The following PTPRN2 variants were observed in gnomAD, a reference collection of about 807,000 sequenced individuals.
PTPRN2 encodes receptor-type tyrosine-protein phosphatase N2.
In PTPRN2, 74 loss-of-function variants were observed where a neutral mutation model predicts 118.8. The observed-to-expected ratio is 0.62, with a 90% CI of 0.52 to 0.76. The LOEUF (loss-of-function observed/expected upper bound fraction) is 0.76. PTPRN2 is among the 30% of genes least tolerant of loss of function. PTPRN2 has a pLI of 0.00. For missense variants in PTPRN2, 1,481 were observed against 1,394.4 expected (o/e 1.06, Z -0.99); for synonymous variants, 641 against 608.0 (o/e 1.05, Z -0.80).
intron 3 of PTPRN2, among the ~76,000 whole-genome samples, chr7:158,238,327 C>T (rs1291937936): frequency 6.6e-6 from 1 of 151,972 alleles, no homozygotes; most frequent in Non-Finnish European, 1.5e-5. Flanking sequence ...CTGCCCTGGG[C>T]CAAGCAGGTC....
intron 11 of PTPRN2, among the ~76,000 whole-genome samples, chr7:157,926,570 A>C (rs2128774779): frequency 6.6e-6 from 1 of 152,338 alleles, no homozygotes; most frequent in Admixed American, 6.5e-5. Flanking sequence ...GGAGGCAGGG[A>C]GGGCCTTGCC....
intron 10 of PTPRN2, among the ~76,000 whole-genome samples, chr7:158,094,723 A>G (rs112627486): frequency 0.01 from 1,546 of 152,286 alleles, 28 homozygotes; most frequent in African/African-American, 0.036. Flanking sequence ...CATTCACCCA[A>G]GAATTAGGAC....
At chr7:158,150,638 C>G (rs1156875839) in intron 6 of PTPRN2, among the ~76,000 whole-genome samples, 1 of 152,070 alleles carries the variant, frequency 6.6e-6, no homozygotes, top group African/African-American at 2.4e-5. Flanking sequence ...TCCTGCCCCT[C>G]TAATTCCACC....
At chr7:157,628,275 C>T (rs1303868718) in intron 14 of PTPRN2, among the ~76,000 whole-genome samples, 1 of 152,234 alleles carries the variant, frequency 6.6e-6, no homozygotes, top group African/African-American at 2.4e-5. Flanking sequence ...CAAATGTCGT[C>T]AGCACCGTCT....
At chr7:158,150,150 C>CCCTGCAGGCTCCTGTTG (rs1820820028) in intron 6 of PTPRN2, among the ~76,000 whole-genome samples, 1 of 152,222 alleles carries the variant, frequency 6.6e-6, no homozygotes, top group Non-Finnish European at 1.5e-5. Flanking sequence ...CAATGCTGTT[C>CCCTGCAGGCTCCTGTTG]CCTGCAGGCT....
rs1055985553 is a variant in PTPRN2, at chr7:158,546,046, G to A, written c.112+41512C>T. On this transcript the variant is annotated intron_variant, in intron 1 of 22. Transcript: ENST00000389418. The surrounding 1 kb of genome is among the most constrained non-coding windows in gnomAD (Gnocchi z 5.0). ...TTACAGGACTTTCAAAATTCCAGGA[G>A]GTAATTTACCTCCAGCAAGGGCTGG... Among the ~76,000 whole-genome samples the A allele has an allele frequency of 2.0e-5, 3 of 152,182 alleles. No homozygotes were observed. The highest frequency in any genetic ancestry group is 4.4e-5 in the Non-Finnish European group (3 of 68,028).
chr7:158,489,838 C>G (rs1821314590), intron 1 of PTPRN2, 53 bp from the exon 2 acceptor site: 3 of 1,504,844 alleles, frequency 2.0e-6, no homozygotes, highest in Admixed American at 2.0e-5. Context: ...GAGGGGGGTG[C>G]CCCCGAGGCT....
At chr7:157,607,247 G>A (rs1802056460) in intron 15 of PTPRN2, among the ~76,000 whole-genome samples, 1 of 152,210 alleles carries the variant, frequency 6.6e-6, no homozygotes, top group Admixed American at 6.5e-5. Context: ...ATTGATTCCA[G>A]AAACCCAGTT....
At chr7:158,454,613 C>T (rs1357193573) in intron 2 of PTPRN2, among the ~76,000 whole-genome samples, 1 of 151,998 alleles carries the variant, frequency 6.6e-6, no homozygotes, top group Admixed American at 6.5e-5. Flanking sequence ...AGACACAACG[C>T]ACACAATCAC....
At chr7:158,325,060 T>A (rs4909178) in intron 2 of PTPRN2, among the ~76,000 whole-genome samples, 57,208 of 151,320 alleles carry the variant, frequency 0.38, 10,893 homozygotes, top group Middle Eastern at 0.45. Context: ...CCCACAATTA[T>A]CCACAGAGAT....
chr7:158,138,640 C>T (rs939806469), intron 6 of PTPRN2, 125 bp from the exon 7 acceptor site: 28 of 782,920 alleles, frequency 3.6e-5, no homozygotes, highest in South Asian at 2.4e-4. Context: ...TAGGGCCAGG[C>T]GCAGGCCAGT....
intron 11 of PTPRN2, among the ~76,000 whole-genome samples, chr7:158,066,758 G>A (rs977662191): frequency 6.6e-6 from 1 of 151,776 alleles, no homozygotes; most frequent in Admixed American, 6.6e-5. Flanking sequence ...CCAAGCAGAC[G>A]GCAAGGCTGG....
intron 14 of PTPRN2, among the ~76,000 whole-genome samples, chr7:157,646,530 T>C (rs1805084688): frequency 6.6e-6 from 1 of 152,162 alleles, no homozygotes; most frequent in Non-Finnish European, 1.5e-5. Context: ...CTCAGGTATT[T>C]CTGTATAGCA....
intron 17 of PTPRN2, among the ~76,000 whole-genome samples, chr7:157,589,489 C>T (rs371943307): frequency 2.6e-5 from 4 of 152,272 alleles, no homozygotes; most frequent in East Asian, 1.9e-4. Context: ...CTGACAGGTA[C>T]CCAAAGCCGC....
At chr7:158,394,238 C>G (rs1340665745) in intron 2 of PTPRN2, among the ~76,000 whole-genome samples, 1 of 151,930 alleles carries the variant, frequency 6.6e-6, no homozygotes, top group African/African-American at 2.4e-5. Flanking sequence ...CCTCTCTGTT[C>G]CCTGTGGACC....
chr7:157,725,466 G>GC (rs558029742), intron 12 of PTPRN2, among the ~76,000 whole-genome samples: 1 of 90,866 alleles, frequency 1.1e-5, no homozygotes, highest in Non-Finnish European at 2.2e-5. Context: ...GCAGAGGAGT[G>GC]AGCCAGACCC....
At position 157,632,286 on chromosome 7, in the gene PTPRN2, A is replaced by C. The variant is rs1804010456; in HGVS notation, c.2197-10777T>G. On this transcript the variant is annotated intron_variant, in intron 14 of 22. Coordinates refer to ENST00000389418, the MANE Select transcript of PTPRN2 (RefSeq NM_002847.5). The surrounding 1 kb of genome is among the most constrained non-coding windows in gnomAD (Gnocchi z 4.3). Reference sequence around the variant, plus strand: ...GCATGAAGACCTGCGATGCGTGGAAAGGTGGCCTGGTGCACCAACGCCTGG... The same window carrying C: ...GCATGAAGACCTGCGATGCGTGGAACGGTGGCCTGGTGCACCAACGCCTGG... 3.3e-5 allele frequency among the ~76,000 whole-genome samples: 5 copies of C among 152,306 alleles called. No homozygotes were observed. In the South Asian group the frequency reaches 1.0e-3, roughly 32 times the overall value.
intron 13 of PTPRN2, among the ~76,000 whole-genome samples, chr7:157,656,802 A>G (rs1806129087): frequency 6.6e-6 from 1 of 152,010 alleles, no homozygotes; most frequent in African/African-American, 2.4e-5. Context: ...TCAGAATCTG[A>G]GAATACAAAC....
intron 11 of PTPRN2, among the ~76,000 whole-genome samples, chr7:157,968,497 T>C (rs1006698840): frequency 5.9e-5 from 9 of 152,320 alleles, no homozygotes; most frequent in South Asian, 2.1e-4. Context: ...GTCTCGGGGT[T>C]GTGTGAATGG....
Sources: gnomAD v4.1 joint callset for allele counts (sites outside exome capture counted in the v4.1 genomes callset) on GRCh38, gnomAD v4.1.1 for gene constraint, Gnocchi (gnomAD v3.1) non-coding constraint, MANE v1.5 for transcripts, NCBI Gene and HGNC (gene_info 2026-07-23, HGNC 2026-07-21) for gene names.